Variants in ESR1 observed in about 807,000 individuals in gnomAD.
ESR1 encodes the protein estrogen receptor.
ESR1 carries 12 observed loss-of-function variants against 52.7 expected under a neutral mutation model. The observed-to-expected ratio is 0.23, with a 90% CI of 0.15 to 0.37. The LOEUF (loss-of-function observed/expected upper bound fraction) is 0.37. Among genes scored for constraint, ESR1 ranks in the 10% least tolerant of loss-of-function variants. The pLI is 1.00. For missense variants in ESR1, 584 were observed against 779.7 expected (o/e 0.75, Z 2.99); for synonymous variants, 305 against 316.8 (o/e 0.96, Z 0.39).
At chr6:151,799,195 T>C (rs143041451) in intron 2 of ESR1, among the ~76,000 whole-genome samples, 2 of 152,336 alleles carry the variant, frequency 1.3e-5, no homozygotes, top group East Asian at 3.9e-4. Context: ...AAGGAGGCAC[T>C]CCAAGTTTGG....
At chr6:152,003,414 C>T (rs2042107058) in intron 4 of ESR1, among the ~76,000 whole-genome samples, 2 of 150,952 alleles carry the variant, frequency 1.3e-5, no homozygotes, top group Non-Finnish European at 1.5e-5. Context: ...TATCTGTCTA[C>T]TTTGCAAAGT....
chr6:152,124,140 T>C (rs1044837123), intron 6 of ESR1, among the ~76,000 whole-genome samples: 10 of 152,130 alleles, frequency 6.6e-5, no homozygotes, highest in African/African-American at 2.2e-4. Flanking sequence ...CTGGCCAACA[T>C]GGTAAAAATA....
intron 1 of ESR1, among the ~76,000 whole-genome samples, chr6:151,663,352 C>A (rs1423584620): frequency 6.6e-6 from 1 of 152,184 alleles, no homozygotes; most frequent in African/African-American, 2.4e-5. Flanking sequence ...TTCAAAATCT[C>A]TTTTTCTGCT....
intron 5 of ESR1, among the ~76,000 whole-genome samples, chr6:152,060,482 C>A (rs2047460138): frequency 6.6e-6 from 1 of 152,160 alleles, no homozygotes; most frequent in Non-Finnish European, 1.5e-5. Context: ...ATGGGCTCAG[C>A]CCAACCATAG....
intron 3 of ESR1, among the ~76,000 whole-genome samples, chr6:151,934,455 A>G (rs1430981001): frequency 6.6e-6 from 1 of 152,248 alleles, no homozygotes; most frequent in Non-Finnish European, 1.5e-5. Context: ...ATAAAATAAA[A>G]TTAAAATTGA....
intron 5 of ESR1, among the ~76,000 whole-genome samples, chr6:152,046,425 A>C (rs1012864059): frequency 3.3e-5 from 5 of 152,234 alleles, no homozygotes; most frequent in Admixed American, 2.0e-4. Flanking sequence ...TCAAAAGAAA[A>C]AAATTAAAGT....
rs2051008946 is a variant in ESR1 at position 152,103,080 on chromosome 6, T to G, written c.*4114T>G. On this transcript the variant is annotated 3_prime_UTR_variant, in exon 8 of 8. Transcript: ENST00000206249. ...AAAAGGCTCAAATGCCAAATTGTGT[T>G]TGATGGATTAATATGCCCTTTTGCC... 4.5e-6 allele frequency: 1 copy of G among 220,884 alleles called. No homozygotes were observed. Among genetic ancestry groups the G allele is most frequent in the Non-Finnish European group, 9.1e-6 (1 of 110,182 alleles). The allele number at this position is 220,884 out of a possible 1,614,324, so 13.7% of individuals were successfully genotyped here.
intron 6 of ESR1, among the ~76,000 whole-genome samples, chr6:152,080,656 T>C (rs1030064811): frequency 2.6e-5 from 4 of 151,632 alleles, no homozygotes; most frequent in African/African-American, 4.9e-5. Context: ...CATAACAATA[T>C]TAACCTTAAA....
intron 5 of ESR1, among the ~76,000 whole-genome samples, chr6:152,051,983 C>A (rs2046717321): frequency 6.6e-6 from 1 of 152,140 alleles, no homozygotes; most frequent in Admixed American, 6.6e-5. Flanking sequence ...TAAAGGAATA[C>A]CTGATGCCAG....
chr6:151,993,920 ATCTC>A (rs1470861311), intron 4 of ESR1, among the ~76,000 whole-genome samples: 1 of 152,134 alleles, frequency 6.6e-6, no homozygotes, highest in South Asian at 2.1e-4. Flanking sequence ...TACCATGGAT[ATCTC>A]TCTCTATTTT....
At chr6:151,719,982 A>G (rs1229443119) in intron 2 of ESR1, among the ~76,000 whole-genome samples, 1 of 152,218 alleles carries the variant, frequency 6.6e-6, no homozygotes, top group Non-Finnish European at 1.5e-5. Flanking sequence ...AACTAGCTAC[A>G]TGACTAAACT....
chr6:151,680,419 G>T (rs922799693), intron 1 of ESR1, among the ~76,000 whole-genome samples: 1 of 152,060 alleles, frequency 6.6e-6, no homozygotes, highest in Non-Finnish European at 1.5e-5. Context: ...GGCCAGGCTG[G>T]TCTTGAACTC....
chr6:151,700,224 G>A (rs1779667847), intron 1 of ESR1, among the ~76,000 whole-genome samples: 1 of 152,084 alleles, frequency 6.6e-6, no homozygotes, highest in African/African-American at 2.4e-5. Flanking sequence ...TTGAAGTGGT[G>A]GAGGAAGCCC....
At chr6:152,016,231 C>A (rs1030674813) in intron 5 of ESR1, among the ~76,000 whole-genome samples, 1 of 152,086 alleles carries the variant, frequency 6.6e-6, no homozygotes, top group South Asian at 2.1e-4. Flanking sequence ...GTCAATTAAA[C>A]CTCTTTCTTT....
chr6:151,730,235 G>C (rs920066448), intron 2 of ESR1, among the ~76,000 whole-genome samples: 1 of 151,936 alleles, frequency 6.6e-6, no homozygotes, highest in African/African-American at 2.4e-5. Flanking sequence ...TGCTGCCTTC[G>C]ACCCCCCGGG....
At chr6:152,106,015 G>A (rs1363209719), downstream of ESR1, among the ~76,000 whole-genome samples, 3 of 148,350 alleles carry the variant, frequency 2.0e-5, no homozygotes, top group African/African-American at 5.0e-5. Flanking sequence ...GGATGGTCTC[G>A]ATCTCCTGAC....
At chr6:151,701,751 G>A (rs984350502) in intron 1 of ESR1, 9 of 152,138 alleles carry the variant, frequency 5.9e-5, no homozygotes, top group Admixed American at 6.6e-5. Flanking sequence ...CTATTGATAA[G>A]TGAGACTACT....
intron 4 of ESR1, among the ~76,000 whole-genome samples, chr6:151,995,924 G>A (rs2041438962): frequency 6.6e-6 from 1 of 152,146 alleles, no homozygotes; most frequent in Admixed American, 6.5e-5. Flanking sequence ...TGAAGAAGCT[G>A]AGGCCTGGAG....
chr6:152,004,743 T>C (rs2042207210), intron 4 of ESR1, among the ~76,000 whole-genome samples: 1 of 152,018 alleles, frequency 6.6e-6, no homozygotes, highest in African/African-American at 2.4e-5. Flanking sequence ...TTACATTACA[T>C]AAAGTAATAC....
Sources: gnomAD v4.1 joint callset for allele counts (sites outside exome capture counted in the v4.1 genomes callset) on GRCh38, gnomAD v4.1.1 for gene constraint, MANE v1.5 for transcripts, NCBI Gene and HGNC (gene_info 2026-07-23, HGNC 2026-07-21) for gene names.